Variants in NAALADL2 observed in about 807,000 individuals in gnomAD.
The protein encoded by NAALADL2 is inactive N-acetylated-alpha-linked acidic dipeptidase-like protein 2.
In NAALADL2, 76 loss-of-function variants were observed where a neutral mutation model predicts 87.2. The ratio of observed to expected loss-of-function variants is 0.87; its 90% confidence interval spans 0.72 to 1.05. The LOEUF (loss-of-function observed/expected upper bound fraction) is 1.05, where lower values mean the gene tolerates loss of function less well. Among genes scored for constraint, NAALADL2 ranks in the 50% least tolerant of loss-of-function variants. The pLI is 0.00. For missense variants in NAALADL2, 1,089 were observed against 945.8 expected (o/e 1.15, Z -1.99); for synonymous variants, 354 against 331.0 (o/e 1.07, Z -0.75).
In NAALADL2 at chr3:175,096,961, A is replaced by G; in HGVS notation, c.215A>G (p.Gln72Arg). ...DQFQLDGAEN[Q>R]NLGHSETIDL... ...TTCCAGCTAGACGGTGCTGAGAATC[A>G]GAACCTAGGGCATTCAGAGACTATA... Residue 72 changes from glutamine to arginine, a missense_variant, in exon 2 of 14, where the codon CAG becomes CGG. Physicochemically the swap from Gln to Arg is conservative, Grantham distance 43 (BLOSUM62 1). Transcript: ENST00000454872. The G allele has an allele frequency of 6.2e-7, 1 of 1,613,432 alleles. No homozygotes were observed.
intron 9 of NAALADL2, among the ~76,000 whole-genome samples, chr3:175,556,742 C>A (rs1715342456): frequency 6.6e-6 from 1 of 152,160 alleles, no homozygotes. Flanking sequence ...ACAAACTTTT[C>A]TTCTATATAT....
At chr3:175,778,192 G>T (rs562610129) in intron 13 of NAALADL2, among the ~76,000 whole-genome samples, 18 of 152,178 alleles carry the variant, frequency 1.2e-4, no homozygotes, top group Admixed American at 7.2e-4. Flanking sequence ...GAAGGGAGTT[G>T]TTCCCTGTGA....
chr3:175,268,507 G>A (rs1752314998), intron 4 of NAALADL2, among the ~76,000 whole-genome samples: 1 of 151,786 alleles, frequency 6.6e-6, no homozygotes, highest in Non-Finnish European at 1.5e-5. Context: ...CAGTATATTT[G>A]TTTACAAATA....
chr3:174,882,316 CTAA>C (rs1216158017), intron 1 of NAALADL2, among the ~76,000 whole-genome samples: 1 of 151,402 alleles, frequency 6.6e-6, no homozygotes, highest in African/African-American at 2.4e-5. Context: ...TCTTTTTTGA[CTAA>C]TAATATGGCC....
intron 2 of NAALADL2, among the ~76,000 whole-genome samples, chr3:175,219,597 A>G (rs1743035584): frequency 6.6e-6 from 1 of 152,144 alleles, no homozygotes. Flanking sequence ...CCAAGATAGT[A>G]AAGATGTTCT....
At chr3:174,611,545 A>C (rs1462385130) in intron 2 of NAALADL2, among the ~76,000 whole-genome samples, 1 of 151,968 alleles carries the variant, frequency 6.6e-6, no homozygotes, top group African/African-American at 2.4e-5. Context: ...TTTTCTGTGC[A>C]CTTACTATTG....
intron 1 of NAALADL2, among the ~76,000 whole-genome samples, chr3:175,075,670 C>T (rs1716450837): frequency 6.6e-6 from 1 of 152,042 alleles, no homozygotes; most frequent in South Asian, 2.1e-4. Context: ...CCTCATTCTT[C>T]CTAAAATGAT....
chr3:175,221,387 C>T (rs1249562820), intron 2 of NAALADL2, among the ~76,000 whole-genome samples: 1 of 152,078 alleles, frequency 6.6e-6, no homozygotes, highest in Non-Finnish European at 1.5e-5. Flanking sequence ...TGTATTGAGA[C>T]TTGCTTTATG....
At chr3:175,284,353 G>A (rs542055728) in intron 4 of NAALADL2, among the ~76,000 whole-genome samples, 1 of 152,000 alleles carries the variant, frequency 6.6e-6, no homozygotes, top group African/African-American at 2.4e-5. Flanking sequence ...CCAGGAAACT[G>A]AATTTTTGGG....
chr3:174,893,902 T>C (rs1253237765), intron 1 of NAALADL2, among the ~76,000 whole-genome samples: 3 of 152,058 alleles, frequency 2.0e-5, no homozygotes, highest in African/African-American at 7.2e-5. Flanking sequence ...GACTAAACTC[T>C]CCAATACAAA....
intron 1 of NAALADL2, among the ~76,000 whole-genome samples, chr3:174,935,752 A>G (rs1376754090): frequency 1.3e-5 from 2 of 152,162 alleles, no homozygotes; most frequent in Admixed American, 1.3e-4. Context: ...AATAGTAAAT[A>G]ATATTGCAAT....
chr3:174,687,794 C>T (rs993167499), intron 2 of NAALADL2, among the ~76,000 whole-genome samples: 22 of 152,018 alleles, frequency 1.4e-4, no homozygotes, highest in Non-Finnish European at 2.4e-4. Context: ...ATAATTGAAT[C>T]GTGGGGGCAG....
intron 5 of NAALADL2, chr3:175,369,516 CGTGT>C (rs1162416016): frequency 2.6e-5 from 4 of 151,422 alleles, no homozygotes; most frequent in Admixed American, 6.6e-5. Context: ...TGCCTGTGTG[CGTGT>C]GTGTGTATGT....
intron 1 of NAALADL2, among the ~76,000 whole-genome samples, chr3:175,038,794 T>G (rs1753714442): frequency 6.6e-6 from 1 of 152,174 alleles, no homozygotes; most frequent in South Asian, 2.1e-4. Context: ...TCTTTTTTTT[T>G]TTAAGCTTTG....
intron 13 of NAALADL2, among the ~76,000 whole-genome samples, chr3:175,769,532 CT>C (rs1749197691): frequency 6.6e-6 from 1 of 152,132 alleles, no homozygotes; most frequent in Admixed American, 6.5e-5. Flanking sequence ...TACTTTTTAT[CT>C]ATTTATGTAT....
At chr3:175,547,308 A>G (rs1394435108) in intron 9 of NAALADL2, among the ~76,000 whole-genome samples, 2 of 152,260 alleles carry the variant, frequency 1.3e-5, no homozygotes, top group African/African-American at 4.8e-5. Context: ...AAAAACAAGC[A>G]ATGGGGAAAG....
At chr3:175,026,243 G>A (rs889091232) in intron 1 of NAALADL2, among the ~76,000 whole-genome samples, 1 of 152,020 alleles carries the variant, frequency 6.6e-6, no homozygotes, top group African/African-American at 2.4e-5. Flanking sequence ...AAATACACAT[G>A]TCTAGGCATA....
intron 13 of NAALADL2, among the ~76,000 whole-genome samples, chr3:175,789,383 T>G (rs528602279): frequency 6.6e-6 from 1 of 152,344 alleles, no homozygotes; most frequent in East Asian, 1.9e-4. Flanking sequence ...GTATCAAAAT[T>G]CTATCATCTA....
intron 12 of NAALADL2, among the ~76,000 whole-genome samples, chr3:175,747,105 G>A (rs1746026217): frequency 1.3e-5 from 2 of 152,190 alleles, no homozygotes; most frequent in African/African-American, 4.8e-5. Context: ...TCTCCCCATT[G>A]TCAGAGTATG....
Sources: gnomAD v4.1 joint callset for allele counts (sites outside exome capture counted in the v4.1 genomes callset) on GRCh38, gnomAD v4.1.1 for gene constraint, MANE v1.5 for transcripts, NCBI Gene and HGNC (gene_info 2026-07-23, HGNC 2026-07-21) for gene names.